Variants in VDAC1 observed in about 807,000 individuals in gnomAD.
VDAC1 encodes the protein voltage dependent anion channel 1.
VDAC1 carries 10 observed loss-of-function variants against 34.7 expected under a neutral mutation model. The ratio of observed to expected loss-of-function variants is 0.29; its 90% CI spans 0.18 to 0.49. The LOEUF is 0.49. Among genes scored for constraint, VDAC1 ranks in the 20% least tolerant of loss-of-function variants. The probability of loss-of-function intolerance (pLI) is 0.99; values close to 1 mark genes in which losing one functional copy is unlikely to be tolerated. For synonymous variants in VDAC1, 130 were observed against 136.0 expected (o/e 0.96, Z 0.30); for missense variants, 230 against 347.9 (o/e 0.66, Z 2.69).
At chr5:134,024,543 A>G in the VDAC1 span, among the ~76,000 whole-genome samples, 4 of 151,916 alleles carry the variant, frequency 2.6e-5, no homozygotes, top group South Asian at 8.3e-4. Flanking sequence ...AAAAAAAGAA[A>G]AAAAAAAAAA....
At chr5:134,043,822 C>T in the VDAC1 span, among the ~76,000 whole-genome samples, 6 of 152,208 alleles carry the variant, frequency 3.9e-5, no homozygotes, top group Admixed American at 2.0e-4. Context: ...TGTGAGCCAC[C>T]GCGCCCAGCC....
chr5:133,990,106 A>C (rs1286745415), intron 5 of VDAC1, among the ~76,000 whole-genome samples: 1 of 152,258 alleles, frequency 6.6e-6, no homozygotes, highest in African/African-American at 2.4e-5. Context: ...CCTTCTAGGC[A>C]CTTTGAAAAG....
chr5:134,103,049 C>T, the VDAC1 span, among the ~76,000 whole-genome samples: 176 of 152,316 alleles, frequency 1.2e-3, 6 homozygotes, highest in East Asian at 0.033. Context: ...CCTCTGAGGG[C>T]CGGCTCAGCT....
chr5:134,100,997 C>T, the VDAC1 span, among the ~76,000 whole-genome samples: 3 of 152,274 alleles, frequency 2.0e-5, no homozygotes, highest in Admixed American at 2.0e-4. Context: ...CTGATCCATT[C>T]TCTGAGCTAC....
chr5:134,065,016 G>C, the VDAC1 span, among the ~76,000 whole-genome samples: 1 of 151,926 alleles, frequency 6.6e-6, no homozygotes, highest in Non-Finnish European at 1.5e-5. Flanking sequence ...CACCATGCCC[G>C]GCCTTAGTTT....
the VDAC1 span, among the ~76,000 whole-genome samples, chr5:134,031,197 G>A: frequency 6.6e-6 from 1 of 152,048 alleles, no homozygotes; most frequent in Admixed American, 6.6e-5. Flanking sequence ...TAGGATTTTA[G>A]ACAGTAAGGA....
chr5:133,983,004 C>CT (rs1345694614), intron 5 of VDAC1, among the ~76,000 whole-genome samples: 2 of 151,786 alleles, frequency 1.3e-5, no homozygotes, highest in Admixed American at 6.6e-5. Flanking sequence ...AATCTCAGCA[C>CT]TTTGGGAGGC....
At chr5:133,992,526 T>C (rs536814079) in intron 2 of VDAC1, among the ~76,000 whole-genome samples, 171 bp from the exon 3 acceptor site, 1 of 152,252 alleles carries the variant, frequency 6.6e-6, no homozygotes, top group Admixed American at 6.5e-5. Flanking sequence ...TCAGCTGCCA[T>C]GGAACAGCAG....
chr5:134,071,153 G>T, the VDAC1 span, among the ~76,000 whole-genome samples: 1 of 152,224 alleles, frequency 6.6e-6, no homozygotes, highest in South Asian at 2.1e-4. This position sits in a 1 kb window ranked among gnomAD's most constrained non-coding sequence, Gnocchi z 4.1. Flanking sequence ...CCCCCGAGGG[G>T]ATCCTCGGCC....
chr5:134,053,559 G>A, the VDAC1 span, among the ~76,000 whole-genome samples: 4 of 152,278 alleles, frequency 2.6e-5, no homozygotes, highest in Non-Finnish European at 4.4e-5. Flanking sequence ...CTCACCCCAG[G>A]GCAGCTGCTC....
the VDAC1 span, among the ~76,000 whole-genome samples, chr5:134,085,523 T>A: frequency 6.6e-6 from 1 of 151,722 alleles, no homozygotes; most frequent in South Asian, 2.1e-4. Context: ...GCTGCTCAAA[T>A]CGTTCTTACC....
the VDAC1 span, among the ~76,000 whole-genome samples, chr5:134,016,605 A>C: frequency 6.6e-6 from 1 of 152,200 alleles, no homozygotes; most frequent in Admixed American, 6.5e-5. Context: ...AGAATGTCCC[A>C]GTTTCTGTCA....
At chr5:134,037,266 T>C in the VDAC1 span, among the ~76,000 whole-genome samples, 2 of 152,204 alleles carry the variant, frequency 1.3e-5, no homozygotes, top group African/African-American at 4.8e-5. Flanking sequence ...ATTGCTGTCA[T>C]GTGGACCTCA....
the VDAC1 span, among the ~76,000 whole-genome samples, chr5:134,087,922 G>A: frequency 2.0e-4 from 30 of 151,478 alleles, no homozygotes; most frequent in Non-Finnish European, 3.7e-4. Context: ...GGCCAAGGCG[G>A]GCAGGTCACC....
the VDAC1 span, among the ~76,000 whole-genome samples, chr5:134,019,214 G>A: frequency 3.9e-5 from 6 of 152,174 alleles, no homozygotes; most frequent in East Asian, 7.7e-4. Context: ...GTAGACACAG[G>A]GAAGGCCGTG....
chr5:134,107,023 ATGT>A, the VDAC1 span, among the ~76,000 whole-genome samples: 3 of 152,110 alleles, frequency 2.0e-5, no homozygotes, highest in East Asian at 1.9e-4. Flanking sequence ...AAAGAAGGTG[ATGT>A]TGTTGGTATG....
the VDAC1 span, among the ~76,000 whole-genome samples, chr5:134,097,584 C>T: frequency 4.6e-5 from 7 of 152,230 alleles, no homozygotes; most frequent in African/African-American, 1.7e-4. Context: ...CCCTCGGCCA[C>T]CTCGGTTCAC....
chr5:134,040,064 A>T, the VDAC1 span, among the ~76,000 whole-genome samples: 4 of 152,202 alleles, frequency 2.6e-5, no homozygotes, highest in Non-Finnish European at 2.9e-5. Context: ...CTTCAGTTCC[A>T]TGGGTCCACA....
intron 2 of VDAC1, among the ~76,000 whole-genome samples, chr5:133,992,655 A>G (rs1009912615): frequency 1.3e-5 from 2 of 152,272 alleles, no homozygotes; most frequent in African/African-American, 2.4e-5. Context: ...GTGCCTAAGC[A>G]CAGGCTAAAT....
Sources: gnomAD v4.1 joint callset for allele counts (sites outside exome capture counted in the v4.1 genomes callset) on GRCh38, gnomAD v4.1.1 for gene constraint, Gnocchi (gnomAD v3.1) non-coding constraint, MANE v1.5 for transcripts, NCBI Gene and HGNC (gene_info 2026-07-23, HGNC 2026-07-21) for gene names.